The following ROBO2 variants were observed in gnomAD, a reference collection of about 807,000 sequenced individuals.
ROBO2 encodes the protein roundabout guidance receptor 2, also known as roundabout homolog 2.
In ROBO2, 53 loss-of-function variants were observed where a neutral mutation model predicts 160.8. That is an observed-to-expected ratio of 0.33 (90% confidence interval 0.26 to 0.41). The LOEUF (loss-of-function observed/expected upper bound fraction) is 0.41, where lower values mean the gene tolerates loss of function less well. Among genes scored for constraint, ROBO2 ranks in the 10% least tolerant of loss-of-function variants. The pLI, the probability that ROBO2 is intolerant of heterozygous loss-of-function variation, is 1.00. For synonymous variants in ROBO2, 664 were observed against 611.7 expected (o/e 1.09, Z -1.26); for missense variants, 1,577 against 1,722.4 (o/e 0.92, Z 1.49).
At chr3:77,411,458 G>A (rs1044692141) in intron 2 of ROBO2, among the ~76,000 whole-genome samples, 8 of 152,096 alleles carry the variant, frequency 5.3e-5, no homozygotes, top group Admixed American at 6.6e-5. Context: ...GTTTTAAATC[G>A]TGAAAGATTT....
At chr3:76,630,471 T>C (rs2089963346) in intron 2 of ROBO2, among the ~76,000 whole-genome samples, 1 of 152,262 alleles carries the variant, frequency 6.6e-6, no homozygotes, top group Non-Finnish European at 1.5e-5. Context: ...TTGGTCTTTA[T>C]TTAGAAGTTT....
chr3:76,179,183 A>G lies in ROBO2; in HGVS notation c.109+241581A>G, dbSNP rs779846023. On this transcript the variant is annotated intron_variant, in intron 2 of 26. Transcript: ENST00000487694. ...TAATGAGACATATTCCTGATGGCCT[A>G]CTAGAGAGCAAGTGGTGTGACAGAC... 5.7e-4 allele frequency among the ~76,000 whole-genome samples: 87 copies of G among 152,090 alleles called. 1 individual carries two copies. The highest frequency in any genetic ancestry group is 8.8e-5 in the Non-Finnish European group (6 of 67,998).
intron 13 of ROBO2, among the ~76,000 whole-genome samples, chr3:77,572,331 T>C (rs1421333204): frequency 6.6e-6 from 1 of 151,986 alleles, no homozygotes; most frequent in Non-Finnish European, 1.5e-5. Context: ...ATGAAAGTCA[T>C]CTCTCTTTGG....
intron 2 of ROBO2, among the ~76,000 whole-genome samples, chr3:77,471,082 A>T (rs191112854): frequency 5.3e-5 from 8 of 152,176 alleles, no homozygotes; most frequent in Non-Finnish European, 1.0e-4. Flanking sequence ...TTTAGGCTTT[A>T]CCCTTCTAAT....
intron 24 of ROBO2, among the ~76,000 whole-genome samples, chr3:77,640,533 G>GGAGGAAA (rs1162479495): frequency 6.6e-6 from 1 of 152,072 alleles, no homozygotes; most frequent in Non-Finnish European, 1.5e-5. Flanking sequence ...GGAGTTCATG[G>GGAGGAAA]GAGGAAAGAT....
At chr3:77,332,195 G>C (rs1263288671) in intron 2 of ROBO2, among the ~76,000 whole-genome samples, 1 of 151,952 alleles carries the variant, frequency 6.6e-6, no homozygotes, top group Non-Finnish European at 1.5e-5. Flanking sequence ...TATGTCTATT[G>C]CCTAATACTT....
chr3:76,589,289 A>C (rs2086256688), intron 2 of ROBO2, among the ~76,000 whole-genome samples: 2 of 152,152 alleles, frequency 1.3e-5, no homozygotes, highest in South Asian at 2.1e-4. Context: ...ATAAGAAATA[A>C]ACACTTGGCT....
chr3:76,554,305 A>G (rs1275734433), intron 2 of ROBO2, among the ~76,000 whole-genome samples: 1 of 152,210 alleles, frequency 6.6e-6, no homozygotes, highest in Non-Finnish European at 1.5e-5. Context: ...GTCAGGGAGA[A>G]CACTGTTAAC....
At chr3:76,131,802 T>A (rs550753097) in intron 2 of ROBO2, among the ~76,000 whole-genome samples, 1 of 151,774 alleles carries the variant, frequency 6.6e-6, no homozygotes, top group Non-Finnish European at 1.5e-5. Context: ...GATCATATTA[T>A]TCCCAATGTG....
chr3:76,032,899 T>G (rs533010154), intron 2 of ROBO2, among the ~76,000 whole-genome samples: 1 of 152,294 alleles, frequency 6.6e-6, no homozygotes, highest in South Asian at 2.1e-4. Flanking sequence ...ACATTGAAGT[T>G]AGTTTCAATT....
At chr3:77,050,189 T>C (rs2065076465) in intron 1 of ROBO2, among the ~76,000 whole-genome samples, 1 of 152,206 alleles carries the variant, frequency 6.6e-6, no homozygotes, top group Admixed American at 6.5e-5. Flanking sequence ...ATCTCTATTA[T>C]AAAGTAAATT....
chr3:77,131,842 T>C (rs2075881119), intron 2 of ROBO2, among the ~76,000 whole-genome samples: 1 of 152,178 alleles, frequency 6.6e-6, no homozygotes, highest in Non-Finnish European at 1.5e-5. Flanking sequence ...GATTTGACAA[T>C]TTAATTTTTA....
Position 76,512,320 on chromosome 3 carries a change from A to G in ROBO2, c.109+574718A>G, listed in dbSNP as rs200235461. The stretch of plus-strand genomic sequence containing the variant: ...TGGTTGCAGAAATTTATATATATAT[A>G]TGTATATATATATATATAGTGTACT... On this transcript the variant is annotated intron_variant, in intron 2 of 26. Transcript: ENST00000487694. Among the ~76,000 whole-genome samples, 9 of 92,166 alleles carry G rather than the reference A, an allele frequency of 9.8e-5. No homozygotes were observed. In the South Asian group the frequency reaches 2.5e-3, roughly 26 times the overall value. 60.5% of individuals were successfully genotyped at this position (92,166 alleles called of 152,430 possible). A position where few individuals can be genotyped will look rare whatever the true frequency, so the allele number is the denominator to read the frequency against.
At chr3:76,773,664 A>G (rs6766881) in intron 2 of ROBO2, among the ~76,000 whole-genome samples, 47,593 of 150,430 alleles carry the variant, frequency 0.32, 9,253 homozygotes, top group Non-Finnish European at 0.43. Flanking sequence ...TATCTAATAA[A>G]ACATACCTTA....
At chr3:77,022,335 A>G (rs1489314782) in intron 2 of ROBO2, among the ~76,000 whole-genome samples, 1 of 152,190 alleles carries the variant, frequency 6.6e-6, no homozygotes, top group Non-Finnish European at 1.5e-5. Flanking sequence ...ATGCCACTGC[A>G]CTCCAGCCTG....
chr3:77,139,032 T>C (rs2076498778), intron 2 of ROBO2, among the ~76,000 whole-genome samples: 2 of 152,310 alleles, frequency 1.3e-5, no homozygotes, highest in South Asian at 4.1e-4. Flanking sequence ...TATTATATAA[T>C]TATATTCTAT....
intron 1 of ROBO2, among the ~76,000 whole-genome samples, chr3:77,042,028 G>A (rs956055793): frequency 3.3e-5 from 5 of 152,126 alleles, no homozygotes; most frequent in Non-Finnish European, 5.9e-5. Context: ...CTGCTGCATA[G>A]AGCCCAATGT....
intron 2 of ROBO2, among the ~76,000 whole-genome samples, chr3:75,939,730 T>C (rs1455644237): frequency 6.6e-6 from 1 of 152,158 alleles, no homozygotes; most frequent in Non-Finnish European, 1.5e-5. Context: ...ATCATTTAGA[T>C]CAATAAGCCT....
chr3:76,652,392 A>G (rs2091294957), intron 2 of ROBO2, among the ~76,000 whole-genome samples: 1 of 152,202 alleles, frequency 6.6e-6, no homozygotes, highest in South Asian at 2.1e-4. Flanking sequence ...AAGCTGTATT[A>G]AAATGTTGCA....
Sources: allele counts gnomAD v4.1 joint callset (sites outside exome capture counted in the v4.1 genomes callset), GRCh38; gene constraint gnomAD v4.1.1; transcripts MANE v1.5; gene names NCBI Gene and HGNC (gene_info 2026-07-23, HGNC 2026-07-21).